PRKG1: variants seen among roughly 807,000 people sequenced by gnomAD.
PRKG1 encodes the protein protein kinase cGMP-dependent 1, also known as cGMP-dependent protein kinase 1.
Under a neutral mutation model 88.1 loss-of-function variants are expected in PRKG1, and 35 were observed. The ratio of observed to expected loss-of-function variants is 0.40; its 90% CI spans 0.30 to 0.53. PRKG1 has a LOEUF of 0.53. Ranked by LOEUF, PRKG1 falls within the 20% of genes least tolerant of loss-of-function variation. The pLI is 0.59. For synonymous variants in PRKG1, 303 were observed against 292.5 expected (o/e 1.04, Z -0.37); for missense variants, 540 against 839.8 (o/e 0.64, Z 4.41).
chr10:51,540,306 T>C (rs982653777), intron 3 of PRKG1, among the ~76,000 whole-genome samples: 13 of 152,254 alleles, frequency 8.5e-5, no homozygotes, highest in Non-Finnish European at 1.6e-4. Flanking sequence ...ACAACTATTC[T>C]CTTTTATGTT....
At chr10:51,726,300 C>G (rs906372778) in intron 3 of PRKG1, among the ~76,000 whole-genome samples, 2 of 152,118 alleles carry the variant, frequency 1.3e-5, no homozygotes, top group African/African-American at 4.8e-5. Context: ...TTAGAGAGTT[C>G]TAATTCATTT....
intron 2 of PRKG1, among the ~76,000 whole-genome samples, chr10:51,313,400 T>G (rs541691419): frequency 6.6e-6 from 1 of 152,288 alleles, no homozygotes; most frequent in East Asian, 1.9e-4. Context: ...TTATTTCACT[T>G]TGTTTTTATG....
chr10:51,285,002 G>T, intron 2 of PRKG1, among the ~76,000 whole-genome samples: 1 of 141,706 alleles, frequency 7.1e-6, no homozygotes, highest in East Asian at 2.1e-4. Context: ...CCACTAACTC[G>T]TCATCTAGCA....
chr10:51,076,723 T>C (rs1300606645), intron 1 of PRKG1, among the ~76,000 whole-genome samples: 6 of 152,214 alleles, frequency 3.9e-5, no homozygotes, highest in Non-Finnish European at 8.8e-5. Flanking sequence ...ACTTGTAGAA[T>C]ATCTAGATTG....
intron 2 of PRKG1, among the ~76,000 whole-genome samples, chr10:51,366,680 T>C (rs951339690): frequency 3.3e-5 from 5 of 151,964 alleles, no homozygotes; most frequent in African/African-American, 9.7e-5. Context: ...AATGTTTGTG[T>C]GTATTTGTGT....
chr10:51,767,411 GAATT>G lies in PRKG1; in HGVS notation c.593-37173_593-37170del, dbSNP rs540622170. ...AACACAGGAACTGTTTGGTTTGTAA[GAATT>G]TATAGATAAAGGCTATCTGATGACT... On this transcript the variant is annotated intron_variant, in intron 3 of 17. Coordinates refer to ENST00000373980, the MANE Select transcript of PRKG1 (RefSeq NM_006258.4). 2.9e-4 allele frequency among the ~76,000 whole-genome samples: 44 copies of G among 152,246 alleles called. No homozygotes were observed. The South Asian group carries it at 8.9e-3, about 31-fold the overall frequency.
intron 9 of PRKG1, among the ~76,000 whole-genome samples, chr10:52,183,646 C>A (rs1412517178): frequency 6.6e-6 from 1 of 152,214 alleles, no homozygotes; most frequent in Non-Finnish European, 1.5e-5. Context: ...AGCCCCACTG[C>A]TGGATAAAAG....
chr10:52,223,092 A>C (rs560968944), intron 9 of PRKG1, among the ~76,000 whole-genome samples: 1 of 152,216 alleles, frequency 6.6e-6, no homozygotes, highest in Non-Finnish European at 1.5e-5. Context: ...TCCTCGCTCC[A>C]ATCTTTAAAA....
chr10:51,980,049 C>G (rs1843965769), intron 5 of PRKG1, among the ~76,000 whole-genome samples: 1 of 152,006 alleles, frequency 6.6e-6, no homozygotes, highest in Non-Finnish European at 1.5e-5. Context: ...TCTTGCTTCT[C>G]TAGTTCTTCT....
At chr10:51,492,407 G>A (rs1160673008) in intron 3 of PRKG1, among the ~76,000 whole-genome samples, 2 of 152,070 alleles carry the variant, frequency 1.3e-5, no homozygotes, top group South Asian at 2.1e-4. Flanking sequence ...AGGTGTTGAG[G>A]CAACATATGA....
At chr10:51,707,245 A>T (rs911580478) in intron 3 of PRKG1, among the ~76,000 whole-genome samples, 1 of 152,142 alleles carries the variant, frequency 6.6e-6, no homozygotes, top group African/African-American at 2.4e-5. Flanking sequence ...CTAGAATTCC[A>T]CTTGTCCATT....
intron 5 of PRKG1, among the ~76,000 whole-genome samples, chr10:51,960,966 T>C (rs1430804197): frequency 6.6e-6 from 1 of 152,272 alleles, no homozygotes; most frequent in South Asian, 2.1e-4. Context: ...AGTTGAAGTA[T>C]TGAGCTCATT....
chr10:51,966,966 G>T (rs368096886), intron 5 of PRKG1, among the ~76,000 whole-genome samples: 14 of 152,048 alleles, frequency 9.2e-5, no homozygotes, highest in Admixed American at 1.3e-4. Flanking sequence ...TTGGTGGGAC[G>T]GTAAACTAGT....
intron 8 of PRKG1, among the ~76,000 whole-genome samples, chr10:52,142,771 C>T (rs1837617490): frequency 6.6e-6 from 1 of 152,164 alleles, no homozygotes; most frequent in African/African-American, 2.4e-5. Context: ...CATCCCATAA[C>T]AGCTTTGGTT....
intron 2 of PRKG1, among the ~76,000 whole-genome samples, chr10:51,199,280 C>A (rs1837851607): frequency 6.6e-6 from 1 of 152,176 alleles, no homozygotes. Context: ...ACCTGTGCAT[C>A]TGTATGCATG....
chr10:51,100,625 A>G (rs1844656451), intron 1 of PRKG1, among the ~76,000 whole-genome samples: 1 of 152,164 alleles, frequency 6.6e-6, no homozygotes, highest in African/African-American at 2.4e-5. Context: ...TATCAAATAA[A>G]TATGTTCCTT....
chr10:51,484,136 T>C (rs1840454538), intron 3 of PRKG1, among the ~76,000 whole-genome samples: 1 of 152,186 alleles, frequency 6.6e-6, no homozygotes. Flanking sequence ...ATATAAAACC[T>C]TTACTTGGAG....
intron 2 of PRKG1, among the ~76,000 whole-genome samples, chr10:51,297,444 A>G (rs1317597360): frequency 6.6e-6 from 1 of 152,108 alleles, no homozygotes; most frequent in Non-Finnish European, 1.5e-5. Flanking sequence ...TTCCTTTTAA[A>G]ACGTGAATTC....
intron 5 of PRKG1, among the ~76,000 whole-genome samples, chr10:51,998,191 G>A (rs1844501148): frequency 6.6e-6 from 1 of 151,812 alleles, no homozygotes; most frequent in South Asian, 2.1e-4. Flanking sequence ...ATAATGAATG[G>A]CATTCATGGT....
Sources: allele counts gnomAD v4.1 joint callset (sites outside exome capture counted in the v4.1 genomes callset), GRCh38; gene constraint gnomAD v4.1.1; transcripts MANE v1.5; gene names NCBI Gene and HGNC (gene_info 2026-07-23, HGNC 2026-07-21).